The following LRRTM4 variants were observed in gnomAD, a reference collection of about 807,000 sequenced individuals.
LRRTM4 encodes the protein leucine-rich repeat transmembrane neuronal protein 4.
Under a neutral mutation model 47.6 loss-of-function variants are expected in LRRTM4, and 25 were observed. The ratio of observed to expected loss-of-function variants is 0.53; its 90% CI spans 0.38 to 0.73. The LOEUF is 0.73. Among genes scored for constraint, LRRTM4 ranks in the 30% least tolerant of loss-of-function variants. The pLI is 0.00. For missense variants in LRRTM4, 638 were observed against 713.4 expected (o/e 0.89, Z 1.20); for synonymous variants, 311 against 269.5 (o/e 1.15, Z -1.51).
chr2:77,469,671 T>G (rs1034788433), intron 3 of LRRTM4, among the ~76,000 whole-genome samples: 9 of 152,142 alleles, frequency 5.9e-5, no homozygotes, highest in Non-Finnish European at 1.2e-4. Context: ...TCAATCTCAC[T>G]CTGGAAAGGA....
intron 3 of LRRTM4, among the ~76,000 whole-genome samples, chr2:77,131,121 A>G (rs1046943321): frequency 4.6e-5 from 7 of 152,118 alleles, no homozygotes; most frequent in African/African-American, 1.7e-4. Context: ...GGCGTCAGCC[A>G]CCGCGCCCGG....
chr2:77,339,076 A>G (rs1023573324), intron 3 of LRRTM4, among the ~76,000 whole-genome samples: 1 of 151,990 alleles, frequency 6.6e-6, no homozygotes, highest in Non-Finnish European at 1.5e-5. Context: ...AGTTGGGAAC[A>G]ATAGATACAG....
intron 3 of LRRTM4, among the ~76,000 whole-genome samples, chr2:77,353,357 C>T (rs990113132): frequency 6.6e-6 from 1 of 152,160 alleles, no homozygotes; most frequent in Admixed American, 6.5e-5. Context: ...AGCCCTGCTA[C>T]AAAGATATAC....
chr2:77,505,521 A>ATTTGCTCC (rs1678733941), intron 3 of LRRTM4, among the ~76,000 whole-genome samples: 1 of 151,534 alleles, frequency 6.6e-6, no homozygotes, highest in Non-Finnish European at 1.5e-5. Flanking sequence ...TAGAAACAAA[A>ATTTGCTCC]AAATTGCTCC....
intron 3 of LRRTM4, among the ~76,000 whole-genome samples, chr2:76,859,820 G>T (rs1299594914): frequency 6.6e-6 from 1 of 151,802 alleles, no homozygotes; most frequent in African/African-American, 2.4e-5. Context: ...AACTTCTTCG[G>T]TCTCAGTGGA....
Position 77,171,532 on chromosome 2 carries a change from C to T in LRRTM4, c.1551+346786G>A, listed in dbSNP as rs1356915164. ...CCTCAAGTGATCCACCCGCCTCGGC[C>T]TCCCAAAGAGCTGGGATTACAGGTG... is the stretch of plus-strand genomic sequence containing the variant. On this transcript the variant is annotated intron_variant, in intron 3 of 3. Transcript: ENST00000409884. Among the ~76,000 whole-genome samples the T allele has an allele frequency of 2.0e-5, 3 of 152,016 alleles. No individual in the cohort carries two copies. In the East Asian group the frequency reaches 5.8e-4, roughly 29 times the overall value.
intron 3 of LRRTM4, among the ~76,000 whole-genome samples, chr2:77,115,566 C>CGGTCCCTCCGTTCGG (rs377660059): frequency 1.0e-3 from 157 of 152,146 alleles, no homozygotes; most frequent in African/African-American, 3.4e-3. Context: ...TGCCTCCAGC[C>CGGTCCCTCCGTTCGG]GGTCCCTCCG....
chr2:76,973,823 C>T (rs1187389517), intron 3 of LRRTM4, among the ~76,000 whole-genome samples: 3 of 151,804 alleles, frequency 2.0e-5, no homozygotes, highest in Admixed American at 6.6e-5. Flanking sequence ...CAATCTTTTC[C>T]CATCATTTGT....
intron 3 of LRRTM4, among the ~76,000 whole-genome samples, chr2:77,496,265 A>C (rs918009275): frequency 2.6e-5 from 4 of 151,914 alleles, no homozygotes; most frequent in African/African-American, 9.7e-5. Flanking sequence ...TTCCACATAG[A>C]TGGCTTTACC....
intron 3 of LRRTM4, among the ~76,000 whole-genome samples, chr2:76,765,659 C>A (rs1673426952): frequency 6.6e-6 from 1 of 152,156 alleles, no homozygotes; most frequent in Admixed American, 6.5e-5. Context: ...TGTCTACTAG[C>A]CAAAATAAGG....
At chr2:77,139,888 A>G (rs1362785480) in intron 3 of LRRTM4, among the ~76,000 whole-genome samples, 2 of 152,122 alleles carry the variant, frequency 1.3e-5, no homozygotes, top group African/African-American at 2.4e-5. Flanking sequence ...CTTCAAAGAG[A>G]ATAAAATACC....
intron 3 of LRRTM4, among the ~76,000 whole-genome samples, chr2:77,145,520 G>T (rs887771134): frequency 1.3e-5 from 2 of 151,744 alleles, no homozygotes; most frequent in African/African-American, 4.8e-5. Context: ...TGTAATCCCA[G>T]CACTTTGCGA....
rs138846626 is a variant in LRRTM4 at position 77,413,572 on chromosome 2, T to C, written c.1551+104746A>G. Among the ~76,000 whole-genome samples, 760 of 152,294 alleles carry C rather than the reference T, an allele frequency of 5.0e-3. 6 individuals are homozygous for C. The highest frequency in any genetic ancestry group is 0.017 in the African/African-American group (725 of 41,554). On this transcript the variant is annotated intron_variant, in intron 3 of 3. Transcript: ENST00000409884. Reference sequence around the variant, plus strand: ...ATCTGGCTTAAGCCAACACAGTAAATGATGGAGAAAATTTTACCTAAATGT... The same window carrying C: ...ATCTGGCTTAAGCCAACACAGTAAACGATGGAGAAAATTTTACCTAAATGT...
At chr2:76,796,624 A>C (rs1368591110) in intron 3 of LRRTM4, among the ~76,000 whole-genome samples, 1 of 108,306 alleles carries the variant, frequency 9.2e-6, no homozygotes, top group Non-Finnish European at 1.7e-5. Context: ...GAAAACTAAC[A>C]AACAGAAAGG....
chr2:77,172,840 T>C (rs989958491), intron 3 of LRRTM4, among the ~76,000 whole-genome samples: 1 of 152,216 alleles, frequency 6.6e-6, no homozygotes, highest in Non-Finnish European at 1.5e-5. Flanking sequence ...GGTTACAGCT[T>C]AGTAAAAACC....
intron 3 of LRRTM4, among the ~76,000 whole-genome samples, chr2:77,408,980 AG>A (rs1180470587): frequency 6.6e-6 from 1 of 152,202 alleles, no homozygotes; most frequent in East Asian, 1.9e-4. Context: ...CAACTACTGT[AG>A]GGAAAAATAT....
At chr2:76,991,967 A>C (rs1677024937) in intron 3 of LRRTM4, among the ~76,000 whole-genome samples, 1 of 151,926 alleles carries the variant, frequency 6.6e-6, no homozygotes, top group Non-Finnish European at 1.5e-5. Flanking sequence ...CTTGGGATTT[A>C]AGATTGATTA....
At chr2:76,841,664 GAA>G (rs796357819) in intron 3 of LRRTM4, among the ~76,000 whole-genome samples, 2,046 of 65,580 alleles carry the variant, frequency 0.031, 36 homozygotes, top group African/African-American at 0.085. Context: ...GTAACCTGGA[GAA>G]AAAAAAAAAA....
intron 3 of LRRTM4, among the ~76,000 whole-genome samples, chr2:77,071,562 T>C (rs1197560804): frequency 1.3e-5 from 2 of 152,192 alleles, no homozygotes; most frequent in African/African-American, 2.4e-5. Flanking sequence ...CAATAAATTA[T>C]AATTATGCCT....
Sources: allele counts gnomAD v4.1 joint callset (sites outside exome capture counted in the v4.1 genomes callset), GRCh38; gene constraint gnomAD v4.1.1; transcripts MANE v1.5; gene names NCBI Gene and HGNC (gene_info 2026-07-23, HGNC 2026-07-21).